Variants in ITGBL1 observed in about 807,000 individuals in gnomAD.
ITGBL1 encodes the protein integrin subunit beta like 1, also known as integrin beta-like protein 1.
A neutral mutation model predicts 68.5 loss-of-function variants in ITGBL1; 51 were observed. That is an observed-to-expected ratio of 0.74 (90% CI 0.59 to 0.94). The LOEUF is 0.94. ITGBL1 is among the 40% of genes least tolerant of loss of function. The pLI, the probability that ITGBL1 is intolerant of heterozygous loss-of-function variation, is 0.00. For synonymous variants in ITGBL1, 209 were observed against 227.3 expected (o/e 0.92, Z 0.72); for missense variants, 649 against 647.4 (o/e 1.00, Z -0.03).
Position 101,657,019 on chromosome 13 carries a change from A to G in ITGBL1, c.1016-35566A>G, listed in dbSNP as rs2032949125. Among the ~76,000 whole-genome samples, 2 of 150,982 alleles carry G rather than the reference A, an allele frequency of 1.3e-5. 1 individual carries two copies. Among genetic ancestry groups the G allele is most frequent in the South Asian group, 4.2e-4 (2 of 4,782 alleles). On this transcript the variant is annotated intron_variant, in intron 7 of 10. Coordinates refer to ENST00000376180, the MANE Select transcript of ITGBL1 (RefSeq NM_004791.3). ...TGTGCACATTGTGCAGGTTAGTTACATATGTATACATGTGCCATGCTGGTG... is the reference window on the plus strand; with the variant it reads ...TGTGCACATTGTGCAGGTTAGTTACGTATGTATACATGTGCCATGCTGGTG...
At chr13:101,564,605 A>G (rs2050152505) in intron 2 of ITGBL1, among the ~76,000 whole-genome samples, 1 of 121,926 alleles carries the variant, frequency 8.2e-6, no homozygotes, top group African/African-American at 3.3e-5. Flanking sequence ...ATGCATGTAT[A>G]TATGTGTATA....
chr13:101,549,834 AT>A (rs1179931108), intron 2 of ITGBL1, among the ~76,000 whole-genome samples: 1 of 152,112 alleles, frequency 6.6e-6, no homozygotes, highest in African/African-American at 2.4e-5. Context: ...TAAATTTAAT[AT>A]AACTTTGAAA....
intron 2 of ITGBL1, among the ~76,000 whole-genome samples, chr13:101,515,916 C>T (rs975231454): frequency 6.6e-6 from 1 of 152,142 alleles, no homozygotes; most frequent in African/African-American, 2.4e-5. Flanking sequence ...TATTTCTGCA[C>T]TTAAATGTGC....
intron 2 of ITGBL1, among the ~76,000 whole-genome samples, chr13:101,554,809 T>G (rs2049979317): frequency 6.6e-6 from 1 of 152,202 alleles, no homozygotes; most frequent in Admixed American, 6.5e-5. Flanking sequence ...TCTATGCATT[T>G]CTCATACTGG....
chr13:101,672,951 A>G (rs921991211), intron 7 of ITGBL1, among the ~76,000 whole-genome samples: 1 of 152,130 alleles, frequency 6.6e-6, no homozygotes, highest in Non-Finnish European at 1.5e-5. Flanking sequence ...CCCTTTTCTA[A>G]ACCCGCGTAG....
chr13:101,712,359 A>C (rs1025208290), intron 9 of ITGBL1: 1 of 152,210 alleles, frequency 6.6e-6, no homozygotes, highest in Non-Finnish European at 1.5e-5. Flanking sequence ...CAAATGTTCT[A>C]TCCATATATG....
chr13:101,697,433 A>G (rs908803971), intron 8 of ITGBL1, among the ~76,000 whole-genome samples: 9 of 152,216 alleles, frequency 5.9e-5, no homozygotes, highest in African/African-American at 1.7e-4. Flanking sequence ...TCCACATTGT[A>G]TGGTATCCTC....
chr13:101,575,338 C>A, intron 3 of ITGBL1, 86 bp from the exon 4 acceptor site: 6 of 1,260,730 alleles, frequency 4.8e-6, no homozygotes, highest in South Asian at 4.1e-5. Context: ...GGATTATCTA[C>A]TCTCTTGAGA....
chr13:101,477,605 CAAAT>C (rs1234646172), intron 2 of ITGBL1, among the ~76,000 whole-genome samples: 2 of 151,542 alleles, frequency 1.3e-5, no homozygotes, highest in Non-Finnish European at 3.0e-5. Context: ...AAAGAAGAGC[CAAAT>C]AAATAAAATC....
intron 2 of ITGBL1, among the ~76,000 whole-genome samples, chr13:101,527,518 A>G (rs902156552): frequency 1.3e-5 from 2 of 152,104 alleles, no homozygotes; most frequent in African/African-American, 4.8e-5. Context: ...GAATAAAACT[A>G]TGATGTATAT....
chr13:101,666,464 A>G (rs1249032292), intron 7 of ITGBL1, among the ~76,000 whole-genome samples: 1 of 151,422 alleles, frequency 6.6e-6, no homozygotes, highest in African/African-American at 2.4e-5. Context: ...GTATCTTTCC[A>G]GAGAGTTCTT....
chr13:101,691,481 G>A (rs1215205371), intron 7 of ITGBL1, among the ~76,000 whole-genome samples: 1 of 152,128 alleles, frequency 6.6e-6, no homozygotes, highest in Non-Finnish European at 1.5e-5. Flanking sequence ...GCAACAGAGT[G>A]ACTAACAACA....
chr13:101,473,134 C>G (rs1298039851), intron 2 of ITGBL1, among the ~76,000 whole-genome samples: 1 of 152,130 alleles, frequency 6.6e-6, no homozygotes, highest in Non-Finnish European at 1.5e-5. Flanking sequence ...TCATCCACCC[C>G]ACAGAAACAC....
At chr13:101,523,423 A>T (rs1224288522) in intron 2 of ITGBL1, among the ~76,000 whole-genome samples, 1 of 152,180 alleles carries the variant, frequency 6.6e-6, no homozygotes, top group Non-Finnish European at 1.5e-5. Context: ...TTGTAAGCTG[A>T]AAGTGTTTTT....
intron 2 of ITGBL1, among the ~76,000 whole-genome samples, chr13:101,500,374 G>T (rs2048922186): frequency 6.6e-6 from 1 of 152,104 alleles, no homozygotes; most frequent in Non-Finnish European, 1.5e-5. Context: ...TTAAAGCATT[G>T]CCAAGTTAAA....
At chr13:101,632,906 G>T (rs1330691253) in intron 7 of ITGBL1, among the ~76,000 whole-genome samples, 2 of 152,174 alleles carry the variant, frequency 1.3e-5, no homozygotes, top group African/African-American at 4.8e-5. Context: ...ATCAGATAAT[G>T]ATTGTGAATG....
intron 7 of ITGBL1, 85 bp from the exon 8 acceptor site, chr13:101,692,500 G>A: frequency 1.2e-6 from 1 of 841,452 alleles, no homozygotes; most frequent in Non-Finnish European, 2.1e-6. Context: ...AGGAGATTTG[G>A]GTTTAATAGT....
chr13:101,620,189 C>A (rs2031529339), intron 7 of ITGBL1, among the ~76,000 whole-genome samples: 1 of 152,036 alleles, frequency 6.6e-6, no homozygotes, highest in South Asian at 2.1e-4. Flanking sequence ...GGATGCATGT[C>A]TTTGTCTAAC....
intron 2 of ITGBL1, among the ~76,000 whole-genome samples, chr13:101,543,199 T>G (rs1342472543): frequency 6.6e-6 from 1 of 152,126 alleles, no homozygotes; most frequent in Non-Finnish European, 1.5e-5. Flanking sequence ...CTGGTACTGG[T>G]TTTTCCTTTC....
Sources: allele counts gnomAD v4.1 joint callset (sites outside exome capture counted in the v4.1 genomes callset), GRCh38; gene constraint gnomAD v4.1.1; transcripts MANE v1.5; gene names NCBI Gene and HGNC (gene_info 2026-07-23, HGNC 2026-07-21).